The following POLR3C variants were observed in gnomAD, a reference collection of about 807,000 sequenced individuals.
POLR3C encodes RNA polymerase III subunit C, also known as DNA-directed RNA polymerase III subunit RPC3.
POLR3C carries 44 observed loss-of-function variants against 65.9 expected under a neutral mutation model. The observed-to-expected ratio is 0.67, with a 90% CI of 0.52 to 0.86. The LOEUF is 0.86. Ranked by LOEUF, POLR3C falls within the 40% of genes least tolerant of loss-of-function variation. The probability of loss-of-function intolerance (pLI) is 0.00; values close to 1 mark genes in which losing one functional copy is unlikely to be tolerated. For synonymous variants in POLR3C, 263 were observed against 231.6 expected, an observed-to-expected ratio of 1.14 and a Z score of -1.23; for missense variants, 576 against 653.2, an observed-to-expected ratio of 0.88 and a Z score of 1.29.
chr1:145,828,363 A>C (rs1553726343), intron 4 of POLR3C, among the ~76,000 whole-genome samples: 1 of 152,206 alleles, frequency 6.6e-6, no homozygotes, highest in African/African-American at 2.4e-5. Flanking sequence ...TTGCACTTTC[A>C]AAAGATTTTT....
At chr1:145,827,753 C>A (rs1650898048) in intron 4 of POLR3C, among the ~76,000 whole-genome samples, 1 of 137,654 alleles carries the variant, frequency 7.3e-6, no homozygotes, top group Admixed American at 7.3e-5. Context: ...AGCCAGACTC[C>A]GTCTCAAAAA....
chr1:145,833,208 C>A, intron 5 of POLR3C, 52 bp from the exon 6 acceptor site: 1 of 1,039,348 alleles, frequency 9.6e-7, no homozygotes, highest in Non-Finnish European at 1.5e-6. Context: ...CCAAGCTCCT[C>A]ACCAGAAAAC....
At position 145,836,839 on chromosome 1, in the gene POLR3C, G is replaced by T; in HGVS notation, c.982G>T (p.Asp328Tyr). ...DPLEFVGKSG[D>Y]SGGGMYVINL... ...GCTAGAGTTTGTTGGAAAGTCTGGC[G>T]ACAGTGGTGGAGGAATGTATGTCAT... Residue 328 changes from aspartate to tyrosine, a missense_variant, in exon 9 of 15, where the codon GAC becomes TAC. Transcript: ENST00000334163. 6.3e-7 allele frequency: 1 copy of T among 1,594,934 alleles called. No homozygotes were observed. The highest frequency in any genetic ancestry group is 1.1e-5 in the South Asian group (1 of 90,174).
At position 145,842,348 on chromosome 1, in the gene POLR3C, C is replaced by T. The variant is rs1652354566; in HGVS notation, c.1533C>T (p.Ala511=). The T allele has an allele frequency of 4.4e-6, 7 of 1,604,356 alleles. No individual in the cohort carries two copies. Among genetic ancestry groups the T allele is most frequent in the South Asian group, 1.1e-5 (1 of 90,886 alleles). ...TTTACTTTTCACTCAGGTTGGATGC[C>T]AGTGAGATCCAGGTGGACGAAACCA... ...TLKRNVNKLD[A]SEIQVDETIF... is the part of the protein sequence containing the mutation. The change falls in exon 15 of 15, where the codon GCC becomes GCT. Residue 511 remains alanine (A), a synonymous_variant. Coordinates refer to ENST00000334163, the MANE Select transcript of POLR3C (RefSeq NM_006468.8).
At position 145,840,966 on chromosome 1, in the gene POLR3C, C is replaced by CTA; in HGVS notation, c.1420_1421dup (p.Met474IlefsTer15). On this transcript the variant is annotated frameshift_variant, in exon 14 of 15. Coordinates refer to ENST00000334163, the MANE Select transcript of POLR3C (RefSeq NM_006468.8). LOFTEE classifies it high-confidence loss of function. ...CAGAGGGTAGAAGCCATCATTGCAT[C>CTA]TATGCAGGCTACTGGTGCAGAGGAA... The CTA allele has an allele frequency of 6.2e-7, 1 of 1,613,082 alleles. No individual in the cohort carries two copies. Among genetic ancestry groups the CTA allele is most frequent in the Non-Finnish European group, 8.5e-7 (1 of 1,179,032 alleles).
At position 145,843,708 on chromosome 1, in the gene POLR3C, G is replaced by A. The variant is rs1217635301; in HGVS notation, c.*1288G>A. On this transcript the variant is annotated 3_prime_UTR_variant, in exon 15 of 15. Transcript: ENST00000334163. ...TACAGAGAGGCCAGAAAGGGAAAAG[G>A]GTCAGGCAGGGAAGGGAACACAGAG... is the stretch of plus-strand genomic sequence containing the variant. Among the ~76,000 whole-genome samples the A allele has an allele frequency of 6.6e-6, 1 of 152,182 alleles. No individual in the cohort carries two copies. Among genetic ancestry groups the A allele is most frequent in the African/African-American group, 2.4e-5 (1 of 41,430 alleles).
Position 145,825,821 on chromosome 1 carries a change from G to A in POLR3C, c.45G>A (p.Glu15=). 4 of 1,613,142 alleles carry A rather than the reference G, an allele frequency of 2.5e-6. No individual in the cohort carries two copies. The highest frequency in any genetic ancestry group is 3.4e-6 in the Non-Finnish European group (4 of 1,179,104). The part of the protein sequence containing the change: ...EIKLCSLLLQ[E]HFGEIVEKIG... ...AGCTCTGTTCTTTGTTGCTGCAAGA[G>A]CATTTTGGAGAGATTGTAGAAAAAA... Residue 15 remains glutamate (E), a synonymous_variant, in exon 2 of 15, where the codon GAG becomes GAA. Coordinates refer to ENST00000334163, the MANE Select transcript of POLR3C (RefSeq NM_006468.8).
intron 5 of POLR3C, among the ~76,000 whole-genome samples, chr1:145,830,886 T>C (rs1445440118): frequency 6.6e-6 from 1 of 151,824 alleles, no homozygotes; most frequent in African/African-American, 2.4e-5. Context: ...GAAGAATCAC[T>C]TGAGCCCAGG....
In POLR3C at chr1:145,836,549, A is replaced by G. The variant is rs782313142; in HGVS notation, c.932A>G (p.Tyr311Cys). The G allele has an allele frequency of 1.0e-5, 16 of 1,607,498 alleles. No homozygotes were observed. The highest frequency in any genetic ancestry group is 1.4e-5 in the Non-Finnish European group (16 of 1,174,044). ...ATCTCTAAGCAAGTTCTTGATCAGT[A>G]TCTCACTCTGCTGGCAGATGATCCA... ...YNISKQVLDQ[Y>C]LTLLADDPLE... The change falls in exon 8 of 15, where the codon TAT (tyrosine) becomes TGT (cysteine). Residue 311 changes from tyrosine to cysteine, a missense_variant. Physicochemically the swap from Tyr to Cys is radical, Grantham distance 194. Coordinates refer to ENST00000334163, the MANE Select transcript of POLR3C (RefSeq NM_006468.8).
At chr1:145,829,028 C>T (rs1559143407) in intron 5 of POLR3C, among the ~76,000 whole-genome samples, 191 bp downstream of exon 5, 1 of 152,130 alleles carries the variant, frequency 6.6e-6, no homozygotes, top group Non-Finnish European at 1.5e-5. Context: ...TAACTTAATT[C>T]TTTCATTGAA....
rs912819400 is a variant in POLR3C at position 145,843,485 on chromosome 1, G to A, written c.*1065G>A. ...ATACTAAACACAACATACAAGGATA[G>A]ATAAATAAGACACCATCTCTGCCCT... On this transcript the variant is annotated 3_prime_UTR_variant, in exon 15 of 15. Transcript: ENST00000334163. Among the ~76,000 whole-genome samples, 8 of 152,098 alleles carry A rather than the reference G, an allele frequency of 5.3e-5. No homozygotes were observed. Among genetic ancestry groups the A allele is most frequent in the African/African-American group, 1.9e-4 (8 of 41,424 alleles).
Position 145,828,750 on chromosome 1 carries a change from GA to G in POLR3C, c.594del (p.Gly199ValfsTer54). ...YLVPKLSLIG[K>X]GKRRRSSDED... ...AGTGTTTAATTGTTTGTTTGGCAGG[GA>G]AAGGTAAAAGGAGGAGATCATCTGA... On this transcript the variant is annotated frameshift_variant and splice_region_variant, in exon 5 of 15. Coordinates refer to ENST00000334163, the MANE Select transcript of POLR3C (RefSeq NM_006468.8). LOFTEE classifies it high-confidence loss of function. The G allele has an allele frequency of 6.2e-7, 1 of 1,602,374 alleles. No homozygotes were observed. The highest frequency in any genetic ancestry group is 8.6e-7 in the Non-Finnish European group (1 of 1,169,304).
At position 145,828,831 on chromosome 1, in the gene POLR3C, C is replaced by G. The variant is rs1438121109; in HGVS notation, c.672C>G (p.Asn224Lys). Residue 224 changes from asparagine (N) to lysine (K), a missense_variant, in exon 5 of 15, where the codon AAC becomes AAG. Asn to Lys is a moderately conservative substitution (Grantham distance 94, BLOSUM62 0). Coordinates refer to ENST00000334163, the MANE Select transcript of POLR3C (RefSeq NM_006468.8). ...KAKRPKYTTD[N>K]KEPIPDDGIY... is the part of the protein sequence containing the mutation. The stretch of plus-strand genomic sequence containing the variant: ...AGAGACCAAAATATACTACAGATAA[C>G]AAGGAGGTAATGGGGCTTCTTGATT... 5 of 1,562,224 alleles carry G rather than the reference C, an allele frequency of 3.2e-6. No individual in the cohort carries two copies. The highest frequency in any genetic ancestry group is 2.7e-5 in the African/African-American group (2 of 73,862).
intron 11 of POLR3C, 137 bp downstream of exon 11, chr1:145,838,343 C>T (rs1325808907): frequency 1.4e-6 from 1 of 734,084 alleles, no homozygotes; most frequent in Admixed American, 2.4e-5. Context: ...TTCACAGAGA[C>T]ATAGCGAGCA....
rs782778406 is a variant in POLR3C, at chr1:145,840,162, ATAAG to A, written c.1373+5_1373+8del. The A allele has an allele frequency of 5.1e-6, 8 of 1,575,524 alleles. No homozygotes were observed. Among genetic ancestry groups the A allele is most frequent in the Admixed American group, 3.3e-5 (2 of 59,958 alleles). On this transcript the variant is annotated splice_donor_variant and coding_sequence_variant, in exon 13 of 15. Transcript: ENST00000334163. LOFTEE classifies it high-confidence loss of function. The stretch of plus-strand genomic sequence containing the variant: ...AGGAGGCAATTTGAAACCAAAGAGA[ATAAG>A]TAAGTAACATTTTCAGTTGAGTTAT...
chr1:145,827,700 A>C (rs1650891167), intron 4 of POLR3C, among the ~76,000 whole-genome samples: 1 of 149,260 alleles, frequency 6.7e-6, no homozygotes, highest in Non-Finnish European at 1.5e-5. Flanking sequence ...CGGAGGTTGC[A>C]GTGAGCCGAG....
In POLR3C at chr1:145,841,422, G is replaced by T. The variant is rs587760993; in HGVS notation, c.1523+351G>T. 5.9e-5 allele frequency among the ~76,000 whole-genome samples: 9 copies of T among 152,254 alleles called. No individual in the cohort carries two copies. In the South Asian group the frequency reaches 1.9e-3, roughly 32 times the overall value. ...ACTACAGGCAAGTGCCACTGCGCTGGCTTAATTTTACTTGAGTCATGTGTC... is the reference window on the plus strand; with the variant it reads ...ACTACAGGCAAGTGCCACTGCGCTGTCTTAATTTTACTTGAGTCATGTGTC... On this transcript the variant is annotated intron_variant, in intron 14 of 14. Transcript: ENST00000334163.
chr1:145,826,293 G>A (rs587603961), intron 2 of POLR3C, among the ~76,000 whole-genome samples, 161 bp from the exon 3 acceptor site: 2 of 152,328 alleles, frequency 1.3e-5, no homozygotes, highest in South Asian at 4.1e-4. Context: ...TTGTATTGAT[G>A]TGTGATTCTT....
At chr1:145,840,198 C>A (rs782727689) in intron 13 of POLR3C, 33 bp downstream of exon 13, 9 of 1,368,468 alleles carry the variant, frequency 6.6e-6, no homozygotes, top group Non-Finnish European at 9.4e-6. Context: ...TTATTTACAT[C>A]TTTCAAGATC....
Sources: gnomAD v4.1 joint callset for allele counts (sites outside exome capture counted in the v4.1 genomes callset) on GRCh38, gnomAD v4.1.1 for gene constraint, MANE v1.5 for transcripts, NCBI Gene and HGNC (gene_info 2026-07-23, HGNC 2026-07-21) for gene names.